The following ENPP1 variants were observed in gnomAD, a reference collection of about 807,000 sequenced individuals.
ENPP1 encodes the protein ectonucleotide pyrophosphatase/phosphodiesterase family member 1.
ENPP1 carries 73 observed loss-of-function variants against 122.8 expected under a neutral mutation model. The ratio of observed to expected loss-of-function variants is 0.59; its 90% CI spans 0.49 to 0.72. The LOEUF (loss-of-function observed/expected upper bound fraction) is 0.72. Among genes scored for constraint, ENPP1 ranks in the 30% least tolerant of loss-of-function variants. ENPP1 has a pLI of 0.00. For missense variants in ENPP1, 978 were observed against 1,128.1 expected (o/e 0.87, Z 1.91); for synonymous variants, 367 against 391.6 (o/e 0.94, Z 0.74).
chr6:131,818,972 G>A (rs1340528045), intron 1 of ENPP1, among the ~76,000 whole-genome samples: 1 of 152,174 alleles, frequency 6.6e-6, no homozygotes, highest in African/African-American at 2.4e-5. Flanking sequence ...AGCTGTCTAT[G>A]ATAAAATCTG....
intron 21 of ENPP1, among the ~76,000 whole-genome samples, chr6:131,882,938 A>C (rs1782331504): frequency 6.6e-6 from 1 of 152,070 alleles, no homozygotes; most frequent in African/African-American, 2.4e-5. Context: ...CTTTGTTAGG[A>C]TAAATAACTT....
chr6:131,815,454 C>T (rs1372093274), intron 1 of ENPP1, among the ~76,000 whole-genome samples: 3 of 152,162 alleles, frequency 2.0e-5, no homozygotes, highest in Non-Finnish European at 4.4e-5. Flanking sequence ...TCAGCTGTTT[C>T]CACTCCATGT....
At chr6:131,819,076 C>A (rs1272751729) in intron 1 of ENPP1, among the ~76,000 whole-genome samples, 1 of 152,004 alleles carries the variant, frequency 6.6e-6, no homozygotes, top group African/African-American at 2.4e-5. Context: ...ATGAAGATAG[C>A]GAGGAATGTG....
intron 16 of ENPP1, among the ~76,000 whole-genome samples, chr6:131,875,284 AATT>A (rs1387606678): frequency 2.0e-5 from 3 of 152,206 alleles, no homozygotes; most frequent in African/African-American, 7.2e-5. Context: ...TATTTCTAAT[AATT>A]ATTTTTCAAA....
chr6:131,872,887 G>A, intron 14 of ENPP1, 36 bp from the exon 15 acceptor site: 1 of 1,609,924 alleles, frequency 6.2e-7, no homozygotes, highest in Non-Finnish European at 8.5e-7. Context: ...AGATATTAGG[G>A]AAATAATAGT....
chr6:131,815,922 T>C (rs991689932), intron 1 of ENPP1, among the ~76,000 whole-genome samples: 24 of 149,086 alleles, frequency 1.6e-4, no homozygotes, highest in African/African-American at 5.8e-4. Context: ...GGTTTTGCCA[T>C]GTTGGCCAGG....
At chr6:131,883,201 A>G (rs1782334565) in intron 21 of ENPP1, among the ~76,000 whole-genome samples, 1 of 152,228 alleles carries the variant, frequency 6.6e-6, no homozygotes, top group African/African-American at 2.4e-5. Context: ...ATGTGTCTGA[A>G]GTCAGAACTT....
intron 1 of ENPP1, among the ~76,000 whole-genome samples, chr6:131,820,887 A>T (rs2114659149): frequency 6.6e-6 from 1 of 152,350 alleles, no homozygotes; most frequent in Non-Finnish European, 1.5e-5. Flanking sequence ...AAAGTTTCCT[A>T]AATAGTACCA....
intron 1 of ENPP1, among the ~76,000 whole-genome samples, chr6:131,840,725 AGTT>A (rs1228542615): frequency 2.0e-5 from 3 of 152,224 alleles, no homozygotes; most frequent in Non-Finnish European, 2.9e-5. Flanking sequence ...AGACCACTGC[AGTT>A]GTTTTGTGCA....
chr6:131,852,275 G>C (rs752705104), intron 5 of ENPP1, 40 bp downstream of exon 5: 2 of 1,193,308 alleles, frequency 1.7e-6, no homozygotes, highest in Admixed American at 3.4e-5. Context: ...TTCTTTTTTA[G>C]AAGTACAGCA....
At chr6:131,845,873 G>A (rs945880400) in intron 1 of ENPP1, among the ~76,000 whole-genome samples, 1 of 152,080 alleles carries the variant, frequency 6.6e-6, no homozygotes. Flanking sequence ...TTGTTGACTT[G>A]CTCAAGCTCT....
chr6:131,850,137 A>G, intron 3 of ENPP1, 31 bp downstream of exon 3: 1 of 1,368,904 alleles, frequency 7.3e-7, no homozygotes, highest in Non-Finnish European at 1.0e-6. Flanking sequence ...AAGTGGAGTT[A>G]TGGTCATTAG....
chr6:131,875,946 C>G, intron 17 of ENPP1, 83 bp downstream of exon 17: 1 of 1,103,026 alleles, frequency 9.1e-7, no homozygotes, highest in Non-Finnish European at 1.4e-6. Context: ...TTGTAGGCAA[C>G]TTTGTGGAGA....
chr6:131,868,219 A>G, intron 12 of ENPP1, 93 bp downstream of exon 12: 1 of 901,482 alleles, frequency 1.1e-6, no homozygotes, highest in Non-Finnish European at 1.8e-6. Flanking sequence ...GTTGTAGTTA[A>G]TTCTTTTTTA....
chr6:131,882,051 AAATAAAT>A (rs1782317746), intron 20 of ENPP1, among the ~76,000 whole-genome samples: 1 of 150,380 alleles, frequency 6.6e-6, no homozygotes, highest in African/African-American at 2.5e-5. Context: ...ATAAATAAAT[AAATAAAT>A]ATTTAAAATT....
At position 131,849,857 on chromosome 6, in the gene ENPP1, C is replaced by T. The variant is rs1349123212; in HGVS notation, c.314-133C>T. Reference sequence around the variant, plus strand: ...TATTTGTGAAAAGATTTTTGCCTTACTTTATTACCCCATCTGTATTTTCTA... The same window carrying T: ...TATTTGTGAAAAGATTTTTGCCTTATTTTATTACCCCATCTGTATTTTCTA... On this transcript the variant is annotated intron_variant, in intron 2 of 24. Transcript: ENST00000647893. 12 of 712,118 alleles carry T rather than the reference C, an allele frequency of 1.7e-5. 1 individual carries two copies. Among genetic ancestry groups the T allele is most frequent in the East Asian group, 1.0e-4 (4 of 38,630 alleles). 44.1% of individuals were successfully genotyped at this position (712,118 alleles called of 1,614,324 possible).
At chr6:131,847,996 C>T in intron 2 of ENPP1, 148 bp downstream of exon 2, 1 of 622,654 alleles carries the variant, frequency 1.6e-6, no homozygotes, top group Admixed American at 2.8e-5. Context: ...TGGCTTGAGC[C>T]TTTTTCCTGA....
In ENPP1 at chr6:131,808,026, C is replaced by T. The variant is rs750410843; in HGVS notation, c.-10C>T. ...GGCCGGGCAGCGGGGCCGGAGCGGC[C>T]GGGGCCACGATGGAGCGCGACGGCT... On this transcript the variant is annotated 5_prime_UTR_variant, in exon 1 of 25. Coordinates refer to ENST00000647893, the MANE Select transcript of ENPP1 (RefSeq NM_006208.3). 0.036 allele frequency: 22,535 copies of T among 626,240 alleles called. 288 individuals carry two copies. The highest frequency in any genetic ancestry group is 0.052 in the Middle Eastern group (60 of 1,154). 38.8% of individuals were successfully genotyped at this position (626,240 alleles called of 1,614,324 possible).
chr6:131,851,714 G>A (rs947714749), intron 4 of ENPP1, among the ~76,000 whole-genome samples: 3 of 152,054 alleles, frequency 2.0e-5, no homozygotes, highest in Non-Finnish European at 2.9e-5. Flanking sequence ...AGAAAGATTC[G>A]AGGGCATTTT....
Sources: allele counts gnomAD v4.1 joint callset (sites outside exome capture counted in the v4.1 genomes callset), GRCh38; gene constraint gnomAD v4.1.1; transcripts MANE v1.5; gene names NCBI Gene and HGNC (gene_info 2026-07-23, HGNC 2026-07-21).